TEX11: variants seen among roughly 807,000 people sequenced by gnomAD.
TEX11 encodes the protein testis-expressed protein 11.
In TEX11, 7 loss-of-function variants were observed where a neutral mutation model predicts 84.4. That is an observed-to-expected ratio of 0.08 (90% confidence interval 0.05 to 0.16). The LOEUF is 0.16. Among genes scored for constraint, TEX11 ranks in the 10% least tolerant of loss-of-function variants. TEX11 has a pLI of 1.00. For missense variants in TEX11, 551 were observed against 660.5 expected, an observed-to-expected ratio of 0.83 and a Z score of 1.82; for synonymous variants, 264 against 222.8, an observed-to-expected ratio of 1.18 and a Z score of -1.64.
chrX:70,523,754 G>A, the TEX11 span, among the ~76,000 whole-genome samples: 1 of 102,834 alleles, frequency 9.7e-6, no homozygotes, highest in African/African-American at 3.7e-5. Context: ...GTGAGCCACT[G>A]CACCTGGCCC....
Position 70,625,290 on chromosome X carries a change from T to C in TEX11, c.1609-366A>G, listed in dbSNP as rs930089252. 2.7e-5 allele frequency among the ~76,000 whole-genome samples: 3 copies of C among 110,455 alleles called. No homozygotes were observed. In the Admixed American group the frequency reaches 2.9e-4, roughly 11 times the overall value. The stretch of plus-strand genomic sequence containing the variant: ...AGCACTCTATTCCCAAAAGTCTCCA[T>C]ATATCCCCTCTTCTGTCCTCTTTTT... On this transcript the variant is annotated intron_variant, in intron 18 of 29. Transcript: ENST00000374333.
chrX:70,620,144 C>T (rs1048937688), intron 20 of TEX11, among the ~76,000 whole-genome samples: 25 of 110,803 alleles, frequency 2.3e-4, no homozygotes, highest in Middle Eastern at 4.7e-3. Context: ...GTCTTTTAAC[C>T]GTTATGATCC....
chrX:70,667,225 C>T (rs1345301630), intron 16 of TEX11, among the ~76,000 whole-genome samples: 1 of 112,088 alleles, frequency 8.9e-6, no homozygotes, highest in Non-Finnish European at 1.9e-5. Context: ...TTTCAAGGCA[C>T]AACAACAGAG....
At chrX:70,801,667 T>TC (rs2091189598) in intron 9 of TEX11, among the ~76,000 whole-genome samples, 2 of 95,445 alleles carry the variant, frequency 2.1e-5, no homozygotes, top group Non-Finnish European at 4.3e-5. Flanking sequence ...CTTTCTTTCT[T>TC]TCTTTCTTTC....
At chrX:70,781,631 T>C (rs1285986007) in intron 9 of TEX11, among the ~76,000 whole-genome samples, 4 of 111,884 alleles carry the variant, frequency 3.6e-5, no homozygotes, top group East Asian at 5.6e-4. Context: ...AATGACCTAA[T>C]GGAGCTGAAA....
At chrX:70,839,158 C>T (rs989995293) in intron 7 of TEX11, among the ~76,000 whole-genome samples, 2 of 112,125 alleles carry the variant, frequency 1.8e-5, no homozygotes, top group East Asian at 2.8e-4. Flanking sequence ...TCTCCCAGCA[C>T]GCAGCTTGAG....
rs188178137 is a variant in TEX11 at position 70,895,559 on chromosome X, G to C, written c.37+12194C>G. 7.1e-5 allele frequency among the ~76,000 whole-genome samples: 8 copies of C among 111,947 alleles called. No individual in the cohort carries two copies. In the Admixed American group the frequency reaches 7.7e-4, roughly 11 times the overall value. ...ATGGAACCAAAAAAGAGCCTGTATA[G>C]CCAAGACAATCCTAAGCAAAAAGAA... On this transcript the variant is annotated intron_variant, in intron 2 of 29. Transcript: ENST00000374333.
intron 9 of TEX11, among the ~76,000 whole-genome samples, chrX:70,780,275 C>T (rs1055519978): frequency 7.2e-5 from 8 of 111,770 alleles, no homozygotes; most frequent in African/African-American, 2.6e-4. Flanking sequence ...CTCCATCACG[C>T]ACACACAAAA....
intron 24 of TEX11, among the ~76,000 whole-genome samples, chrX:70,597,150 A>G (rs1194788816): frequency 8.9e-6 from 1 of 112,270 alleles, no homozygotes; most frequent in East Asian, 2.8e-4. Context: ...AAAGAAGTGA[A>G]AAACCTAAAT....
intron 17 of TEX11, among the ~76,000 whole-genome samples, chrX:70,634,987 G>T (rs899927647): frequency 8.9e-6 from 1 of 112,042 alleles, no homozygotes; most frequent in Non-Finnish European, 1.9e-5. Flanking sequence ...CAAAATACAT[G>T]TCTGATAAAG....
At chrX:70,636,711 C>A (rs1447365117) in intron 17 of TEX11, among the ~76,000 whole-genome samples, 1 of 112,233 alleles carries the variant, frequency 8.9e-6, no homozygotes, top group Non-Finnish European at 1.9e-5. Context: ...GGCTCCAAGC[C>A]CAATCCTTCA....
At chrX:70,714,086 G>T (rs781541534) in intron 13 of TEX11, among the ~76,000 whole-genome samples, 1 of 111,324 alleles carries the variant, frequency 9.0e-6, no homozygotes, top group African/African-American at 3.3e-5. Flanking sequence ...TTCAGTTTCT[G>T]TGTAGTTGAG....
intron 24 of TEX11, among the ~76,000 whole-genome samples, chrX:70,597,737 T>C (rs2089026994): frequency 9.0e-6 from 1 of 111,440 alleles, no homozygotes; most frequent in Non-Finnish European, 1.9e-5. Flanking sequence ...GATAACAAAA[T>C]AAATAAAATG....
chrX:70,539,038 A>ATATATATTTTTTTT, intron 28 of TEX11, among the ~76,000 whole-genome samples: 31 of 41,243 alleles, frequency 7.5e-4, no homozygotes, highest in Middle Eastern at 0.026. Context: ...ATATATATAT[A>ATATATATTTTTTTT]TTTTTTTTTT....
chrX:70,840,666 T>A (rs1180632991), intron 7 of TEX11, among the ~76,000 whole-genome samples: 1 of 111,311 alleles, frequency 9.0e-6, no homozygotes, highest in Admixed American at 9.6e-5. Flanking sequence ...AATGCTCCAA[T>A]TAAAAGACAC....
intron 9 of TEX11, among the ~76,000 whole-genome samples, chrX:70,796,907 A>G (rs1377937442): frequency 8.9e-6 from 1 of 112,104 alleles, no homozygotes; most frequent in African/African-American, 3.2e-5. Context: ...CAAAACCACA[A>G]TGAGATACCA....
chrX:70,878,333 C>T (rs1489923053), intron 3 of TEX11, among the ~76,000 whole-genome samples: 1 of 109,757 alleles, frequency 9.1e-6, no homozygotes, highest in Non-Finnish European at 1.9e-5. Flanking sequence ...CCACCACGCC[C>T]GGCTAATTTT....
intron 25 of TEX11, 63 bp downstream of exon 25, chrX:70,591,688 C>G: frequency 1.1e-6 from 1 of 905,499 alleles, no homozygotes; most frequent in Non-Finnish European, 1.6e-6. Context: ...TGACAAAAGA[C>G]TTGTTTATTC....
chrX:70,731,873 T>A lies in TEX11; in HGVS notation c.844-6530A>T, dbSNP rs1367590180. ...CAAAAAAGAGAATTTTAGACCAATA[T>A]CCCTGATGAACATTGATGCAAAAAA... On this transcript the variant is annotated intron_variant, in intron 11 of 29. Coordinates refer to ENST00000374333, the MANE Select transcript of TEX11 (RefSeq NM_031276.3). 8.1e-5 allele frequency among the ~76,000 whole-genome samples: 9 copies of A among 111,197 alleles called. No homozygotes were observed. In the East Asian group the frequency reaches 2.5e-3, roughly 31 times the overall value.
Sources: allele counts gnomAD v4.1 joint callset (sites outside exome capture counted in the v4.1 genomes callset), GRCh38; gene constraint gnomAD v4.1.1; transcripts MANE v1.5; gene names NCBI Gene and HGNC (gene_info 2026-07-23, HGNC 2026-07-21).